Variants in NFAM1 observed in about 807,000 individuals in gnomAD.
NFAM1 encodes NFAT activation molecule 1.
NFAM1 carries 17 observed loss-of-function variants against 29.0 expected under a neutral mutation model. The ratio of observed to expected loss-of-function variants is 0.59; its 90% CI spans 0.40 to 0.88. The LOEUF is 0.88. NFAM1 is among the 40% of genes least tolerant of loss of function. The probability of loss-of-function intolerance (pLI) is 0.00; values close to 1 mark genes in which losing one functional copy is unlikely to be tolerated. For missense variants in NFAM1, 324 were observed against 344.6 expected (o/e 0.94, Z 0.47); for synonymous variants, 175 against 147.2 (o/e 1.19, Z -1.36).
chr22:42,403,288 C>A (rs1483876430), intron 3 of NFAM1, among the ~76,000 whole-genome samples: 1 of 152,190 alleles, frequency 6.6e-6, no homozygotes, highest in Non-Finnish European at 1.5e-5. Context: ...TGCTTTTAAG[C>A]CCCCTGCTGA....
intron 1 of NFAM1, among the ~76,000 whole-genome samples, chr22:42,431,658 C>T (rs1930800256): frequency 6.6e-6 from 1 of 152,242 alleles, no homozygotes; most frequent in Admixed American, 6.5e-5. Flanking sequence ...GAAAGACACA[C>T]TTGCATCCTA....
intron 4 of NFAM1, 70 bp downstream of exon 4, chr22:42,397,788 A>T: frequency 1.1e-6 from 1 of 873,724 alleles, no homozygotes. Context: ...AGCCAGACAG[A>T]CCCTGGTACA....
At chr22:42,420,001 T>TG (rs1930387799) in intron 1 of NFAM1, among the ~76,000 whole-genome samples, 2 of 114,134 alleles carry the variant, frequency 1.8e-5, no homozygotes, top group Non-Finnish European at 3.7e-5. Context: ...TTTTTTTTTT[T>TG]TTTTTTTTTT....
chr22:42,397,947 G>A lies in NFAM1; in HGVS notation c.574C>T (p.Arg192Trp), dbSNP rs372496778. Residue 192 changes from arginine (R) to tryptophan (W), a missense_variant, in exon 4 of 6, where the codon CGG (arginine) becomes TGG (tryptophan). By Grantham distance (101) the Arg-to-Trp change is moderately radical. Coordinates refer to ENST00000329021, the MANE Select transcript of NFAM1 (RefSeq NM_145912.8). ...ALLLWNKKRM[R>W]GPGKDPTRKC... ...CTGGTGGGGTCCTTCCCTGGACCCC[G>A]CATCCGCTTCTGTAGGGAGAAAGGA... is the stretch of plus-strand genomic sequence containing the variant. 4.5e-5 allele frequency: 71 copies of A among 1,589,092 alleles called. No homozygotes were observed. Among genetic ancestry groups the A allele is most frequent in the African/African-American group, 2.2e-4 (16 of 74,094 alleles).
upstream of NFAM1, chr22:42,437,012 C>A: frequency 1.0e-6 from 1 of 984,398 alleles, no homozygotes; most frequent in South Asian, 4.7e-5. Flanking sequence ...ACCATGGTCC[C>A]CCTGCTATGC....
intron 1 of NFAM1, among the ~76,000 whole-genome samples, chr22:42,431,473 G>C (rs1404454389): frequency 6.6e-6 from 1 of 152,198 alleles, no homozygotes; most frequent in African/African-American, 2.4e-5. Flanking sequence ...GGGGCAGAGA[G>C]AATCTGGCAG....
intron 4 of NFAM1, among the ~76,000 whole-genome samples, chr22:42,395,713 T>A (rs1032428418): frequency 4.6e-5 from 7 of 150,844 alleles, no homozygotes; most frequent in Admixed American, 2.0e-4. Flanking sequence ...AAACCCCGTC[T>A]CTACTAAAAA....
chr22:42,437,141 C>CT (rs566611914), upstream of NFAM1: 13,156 of 155,222 alleles, frequency 0.085, 895 homozygotes, highest in African/African-American at 0.24. Flanking sequence ...TTCTTTTTGT[C>CT]TTTTTTTTTT....
At chr22:42,418,877 CAG>C (rs1451262254) in intron 1 of NFAM1, among the ~76,000 whole-genome samples, 2 of 152,136 alleles carry the variant, frequency 1.3e-5, no homozygotes, top group Non-Finnish European at 2.9e-5. Context: ...GAAGGCCCCT[CAG>C]GGGTGTGGTG....
At chr22:42,425,930 G>A (rs1187571349) in intron 1 of NFAM1, among the ~76,000 whole-genome samples, 1 of 150,814 alleles carries the variant, frequency 6.6e-6, no homozygotes, top group Admixed American at 6.6e-5. Context: ...GGGGAACTGG[G>A]TTTGTTCAGG....
rs1015380508 is a variant in NFAM1 at position 42,382,232 on chromosome 22, T to G, written c.*2929A>C. 2 of 152,254 alleles carry G rather than the reference T, an allele frequency of 1.3e-5. No individual in the cohort carries two copies. Among genetic ancestry groups the G allele is most frequent in the African/African-American group, 2.4e-5 (1 of 41,436 alleles). 9.4% of individuals were successfully genotyped at this position (152,254 alleles called of 1,614,324 possible). ...CACCACACCAGGCTAATTTTTGTATTTTTAGTAGAGACGGGGTTTCACCAC... is the reference window on the plus strand; with the variant it reads ...CACCACACCAGGCTAATTTTTGTATGTTTAGTAGAGACGGGGTTTCACCAC... On this transcript the variant is annotated 3_prime_UTR_variant, in exon 6 of 6. Transcript: ENST00000329021.
intron 3 of NFAM1, among the ~76,000 whole-genome samples, chr22:42,403,785 G>C (rs887999950): frequency 6.6e-6 from 1 of 152,240 alleles, no homozygotes. Flanking sequence ...CCTTGACGAA[G>C]AGATGGAGTA....
intron 1 of NFAM1, among the ~76,000 whole-genome samples, chr22:42,425,958 G>A (rs570431853): frequency 5.3e-5 from 8 of 152,160 alleles, no homozygotes; most frequent in Admixed American, 5.2e-4. Context: ...AGGGGCCAGA[G>A]GGGGTACTAC....
intron 1 of NFAM1, among the ~76,000 whole-genome samples, chr22:42,413,262 G>A (rs1300669051): frequency 6.6e-6 from 1 of 152,156 alleles, no homozygotes; most frequent in Non-Finnish European, 1.5e-5. Context: ...AAAGAGAGGT[G>A]TGGGCCCTGC....
At chr22:42,394,196 C>A (rs551618328) in intron 4 of NFAM1, among the ~76,000 whole-genome samples, 1 of 150,656 alleles carries the variant, frequency 6.6e-6, no homozygotes, top group Admixed American at 6.6e-5. Flanking sequence ...CCACCATGCC[C>A]GGCTAATTTT....
chr22:42,399,107 C>T (rs1036400465), intron 3 of NFAM1, among the ~76,000 whole-genome samples: 3 of 152,130 alleles, frequency 2.0e-5, no homozygotes, highest in Non-Finnish European at 2.9e-5. Context: ...GTAGAGGGAA[C>T]AGCAGGTGCC....
chr22:42,417,497 C>T (rs11912378), intron 1 of NFAM1, among the ~76,000 whole-genome samples: 7,303 of 128,386 alleles, frequency 0.057, 481 homozygotes, highest in African/African-American at 0.19. Flanking sequence ...GTGCAGGGAA[C>T]GGATTTGAGA....
In NFAM1 at chr22:42,404,209, T is replaced by C. The variant is rs1463508138; in HGVS notation, c.564+5226A>G. 2.0e-5 allele frequency among the ~76,000 whole-genome samples: 3 copies of C among 152,110 alleles called. No individual in the cohort carries two copies. In the East Asian group the frequency reaches 5.8e-4, roughly 29 times the overall value. ...ATTGCCCCGGGAGGCAATGCCATTC[T>C]TCCAGACTTGCCCCAGTGGAGTCGC... On this transcript the variant is annotated intron_variant, in intron 3 of 5. Coordinates refer to ENST00000329021, the MANE Select transcript of NFAM1 (RefSeq NM_145912.8).
chr22:42,432,306 G>A lies in NFAM1; in HGVS notation c.52C>T (p.Pro18Ser), dbSNP rs1038724374. The change falls in exon 1 of 6, where the codon CCT (proline) becomes TCT (serine). Residue 18 changes from proline to serine, a missense_variant. Coordinates refer to ENST00000329021, the MANE Select transcript of NFAM1 (RefSeq NM_145912.8). ...WRALPGLPRP[P>S]GLPAAPWLLL... is the part of the protein sequence containing the mutation. Reference sequence around the variant, plus strand: ...AGCCAGGGGGCTGCGGGGAGCCCAGGAGGGCGTGGGAGGCCTGGCAGGGCC... The same window carrying A: ...AGCCAGGGGGCTGCGGGGAGCCCAGAAGGGCGTGGGAGGCCTGGCAGGGCC... 6.3e-7 allele frequency: 1 copy of A among 1,575,028 alleles called. No individual in the cohort carries two copies. Among genetic ancestry groups the A allele is most frequent in the African/African-American group, 1.4e-5 (1 of 74,038 alleles).
Sources: allele counts gnomAD v4.1 joint callset (sites outside exome capture counted in the v4.1 genomes callset), GRCh38; gene constraint gnomAD v4.1.1; transcripts MANE v1.5; gene names NCBI Gene and HGNC (gene_info 2026-07-23, HGNC 2026-07-21).